The following RALYL variants were observed in gnomAD, a reference collection of about 807,000 sequenced individuals.
The protein encoded by RALYL is RALY RNA binding protein like, also known as RNA-binding Raly-like protein.
Under a neutral mutation model 35.1 loss-of-function variants are expected in RALYL, and 29 were observed. The ratio of observed to expected loss-of-function variants is 0.83; its 90% CI spans 0.61 to 1.13. The LOEUF (loss-of-function observed/expected upper bound fraction) is 1.13. Ranked by LOEUF, RALYL falls within the 50% of genes most tolerant of loss-of-function variation. The pLI is 0.00. For missense variants in RALYL, 359 were observed against 360.4 expected, an observed-to-expected ratio of 1.00 and a Z score of 0.03; for synonymous variants, 120 against 127.6, an observed-to-expected ratio of 0.94 and a Z score of 0.40.
chr8:84,757,826 G>T (rs569569058), intron 2 of RALYL, among the ~76,000 whole-genome samples: 6 of 152,114 alleles, frequency 3.9e-5, no homozygotes, highest in Non-Finnish European at 8.8e-5. Flanking sequence ...TATATGGTAG[G>T]CTGGAAGTCA....
At chr8:84,320,526 AG>A (rs1444463575) in intron 1 of RALYL, among the ~76,000 whole-genome samples, 1 of 152,076 alleles carries the variant, frequency 6.6e-6, no homozygotes, top group Non-Finnish European at 1.5e-5. Context: ...TTTATATAAA[AG>A]TATGTCTTAT....
intron 1 of RALYL, among the ~76,000 whole-genome samples, chr8:84,339,582 T>G (rs1848414051): frequency 1.3e-5 from 2 of 152,032 alleles, no homozygotes; most frequent in African/African-American, 4.8e-5. Flanking sequence ...AATGTAATAA[T>G]AATAGAAATA....
At chr8:84,300,987 C>T (rs1299042122) in intron 1 of RALYL, among the ~76,000 whole-genome samples, 3 of 151,940 alleles carry the variant, frequency 2.0e-5, no homozygotes, top group Non-Finnish European at 4.4e-5. Context: ...TGTAAATGAT[C>T]TATGTATGTA....
chr8:84,920,794 C>A, intron 8 of RALYL, 100 bp from the exon 9 acceptor site: 1 of 455,694 alleles, frequency 2.2e-6, no homozygotes, highest in South Asian at 7.2e-5. Context: ...TATTCTTCCC[C>A]TGATCTAACC....
At chr8:84,553,210 G>A (rs111243412) in intron 2 of RALYL, among the ~76,000 whole-genome samples, 4 of 152,236 alleles carry the variant, frequency 2.6e-5, no homozygotes, top group African/African-American at 9.6e-5. Context: ...CCCAGTCCCT[G>A]GAGTGCAGTG....
At chr8:84,844,718 C>A (rs1834228371) in intron 4 of RALYL, among the ~76,000 whole-genome samples, 1 of 152,146 alleles carries the variant, frequency 6.6e-6, no homozygotes, top group South Asian at 2.1e-4. Flanking sequence ...TGGAACCAAC[C>A]CAAATGTCCA....
At chr8:84,640,231 G>T (rs1240388876) in intron 2 of RALYL, among the ~76,000 whole-genome samples, 1 of 151,978 alleles carries the variant, frequency 6.6e-6, no homozygotes, top group Admixed American at 6.6e-5. Context: ...AGGTTACATA[G>T]ATGTAAAACA....
intron 1 of RALYL, among the ~76,000 whole-genome samples, chr8:84,484,431 G>A (rs1368559645): frequency 1.3e-5 from 2 of 152,022 alleles, no homozygotes; most frequent in African/African-American, 4.8e-5. Flanking sequence ...AATTCTGTCT[G>A]TGCTTTTCAG....
chr8:84,762,236 G>C (rs1563545429), intron 2 of RALYL, among the ~76,000 whole-genome samples: 1 of 152,154 alleles, frequency 6.6e-6, no homozygotes, highest in Non-Finnish European at 1.5e-5. Context: ...ACAACAGCTA[G>C]AAGAATTTTT....
At chr8:84,593,472 A>G (rs774821308) in intron 2 of RALYL, among the ~76,000 whole-genome samples, 1 of 152,054 alleles carries the variant, frequency 6.6e-6, no homozygotes. Flanking sequence ...GTGGCTTATC[A>G]ATTGGCTTTT....
chr8:84,183,645 T>A lies in RALYL; in HGVS notation c.-803T>A, dbSNP rs935304550. ...TTGTCCTTTTTTTTGGTTTTTTGTT[T>A]TTTTTGTTTTTGTTTTTTTTCTTTT... On this transcript the variant is annotated 5_prime_UTR_variant, in exon 1 of 9. Coordinates refer to ENST00000521268, the MANE Select transcript of RALYL (RefSeq NM_173848.7). 6.5e-6 allele frequency: 1 copy of A among 152,704 alleles called. No homozygotes were observed. The allele number at this position is 152,704 out of a possible 1,614,324, so 9.5% of individuals were successfully genotyped here. A position where few individuals can be genotyped will look rare whatever the true frequency, so the allele number is the denominator to read the frequency against.
chr8:84,736,116 A>G (rs1050128298), intron 2 of RALYL, among the ~76,000 whole-genome samples: 1 of 152,146 alleles, frequency 6.6e-6, no homozygotes, highest in Non-Finnish European at 1.5e-5. Context: ...CATAACGAAC[A>G]AAGAATTAGA....
intron 4 of RALYL, among the ~76,000 whole-genome samples, chr8:84,819,451 A>G (rs1352171899): frequency 6.6e-6 from 1 of 152,206 alleles, no homozygotes; most frequent in Non-Finnish European, 1.5e-5. Flanking sequence ...ATGATGGCAT[A>G]TACAATATCA....
intron 2 of RALYL, among the ~76,000 whole-genome samples, chr8:84,694,577 C>T (rs1838754971): frequency 6.6e-6 from 1 of 151,822 alleles, no homozygotes; most frequent in South Asian, 2.1e-4. Flanking sequence ...ATTCCAATGA[C>T]ATTCTCCACA....
At chr8:84,679,852 CT>C (rs1031038105) in intron 2 of RALYL, 12 of 369,048 alleles carry the variant, frequency 3.3e-5, no homozygotes, top group Non-Finnish European at 5.8e-5. Flanking sequence ...TATTTTTTTT[CT>C]TTTTTTTAAA....
At chr8:84,369,059 G>A (rs73296902) in intron 1 of RALYL, among the ~76,000 whole-genome samples, 4,515 of 152,168 alleles carry the variant, frequency 0.03, 220 homozygotes, top group African/African-American at 0.1. Context: ...TTGAACCTAT[G>A]AATACATGAT....
intron 1 of RALYL, among the ~76,000 whole-genome samples, chr8:84,390,821 GT>G (rs1223802038): frequency 6.6e-6 from 1 of 151,878 alleles, no homozygotes; most frequent in Non-Finnish European, 1.5e-5. Context: ...ATGGGATGTA[GT>G]TCCTCCCAGT....
intron 1 of RALYL, among the ~76,000 whole-genome samples, chr8:84,302,281 T>C (rs1448157449): frequency 6.6e-6 from 1 of 152,196 alleles, no homozygotes; most frequent in Non-Finnish European, 1.5e-5. Flanking sequence ...AATTTATTCT[T>C]GTTAAGTCAA....
At chr8:84,643,120 A>G (rs1826741168) in intron 2 of RALYL, among the ~76,000 whole-genome samples, 1 of 151,854 alleles carries the variant, frequency 6.6e-6, no homozygotes, top group African/African-American at 2.4e-5. Flanking sequence ...CAAGTGGCAT[A>G]CCTCCAAAAA....
Sources: allele counts gnomAD v4.1 joint callset (sites outside exome capture counted in the v4.1 genomes callset), GRCh38; gene constraint gnomAD v4.1.1; transcripts MANE v1.5; gene names NCBI Gene and HGNC (gene_info 2026-07-23, HGNC 2026-07-21).